Variants in FARS2 observed in about 807,000 individuals in gnomAD.
The protein encoded by FARS2 is phenylalanine--tRNA ligase, mitochondrial.
In FARS2, 40 loss-of-function variants were observed where a neutral mutation model predicts 46.4. The ratio of observed to expected loss-of-function variants is 0.86; its 90% CI spans 0.67 to 1.12. The LOEUF is 1.12. FARS2 is among the 50% of genes most tolerant of loss of function. FARS2 has a pLI of 0.00. For synonymous variants in FARS2, 234 were observed against 214.9 expected, an observed-to-expected ratio of 1.09 and a Z score of -0.78; for missense variants, 513 against 567.9, an observed-to-expected ratio of 0.90 and a Z score of 0.98.
intron 4 of FARS2, among the ~76,000 whole-genome samples, chr6:5,513,811 A>G (rs920025451): frequency 6.6e-6 from 1 of 152,204 alleles, no homozygotes; most frequent in African/African-American, 2.4e-5. Context: ...GTGGGCACGT[A>G]GGCCCTAGTC....
intron 1 of FARS2, among the ~76,000 whole-genome samples, chr6:5,362,904 C>T (rs1758397222): frequency 6.7e-6 from 1 of 149,862 alleles, no homozygotes; most frequent in African/African-American, 2.4e-5. Flanking sequence ...TTATTCAGAT[C>T]CTTTGCCCAT....
At chr6:5,660,912 G>A (rs1777824464) in intron 6 of FARS2, among the ~76,000 whole-genome samples, 1 of 152,208 alleles carries the variant, frequency 6.6e-6, no homozygotes, top group Non-Finnish European at 1.5e-5. Context: ...TTTACCAAGA[G>A]CAATAGAAGC....
At chr6:5,517,035 T>A (rs1768842886) in intron 4 of FARS2, among the ~76,000 whole-genome samples, 1 of 152,134 alleles carries the variant, frequency 6.6e-6, no homozygotes, top group East Asian at 1.9e-4. Context: ...CATTGTGCCC[T>A]GGGAGGTACT....
At chr6:5,421,593 C>T (rs1181015105) in intron 3 of FARS2, among the ~76,000 whole-genome samples, 1 of 152,202 alleles carries the variant, frequency 6.6e-6, no homozygotes, top group Non-Finnish European at 1.5e-5. Context: ...GCACCCAAGT[C>T]ACCTCTTGAA....
chr6:5,303,662 CTTTG>C (rs1414324937), intron 1 of FARS2, among the ~76,000 whole-genome samples: 2 of 151,978 alleles, frequency 1.3e-5, no homozygotes, highest in African/African-American at 4.8e-5. Flanking sequence ...CTTCCTCCAT[CTTTG>C]TGATTATTGC....
intron 6 of FARS2, among the ~76,000 whole-genome samples, chr6:5,739,294 A>G (rs1237424507): frequency 6.6e-6 from 1 of 151,414 alleles, no homozygotes; most frequent in Non-Finnish European, 1.5e-5. Context: ...TCAGGAGTTC[A>G]AGACTAGCTT....
At chr6:5,605,635 C>T (rs1774790068) in intron 5 of FARS2, among the ~76,000 whole-genome samples, 1 of 152,178 alleles carries the variant, frequency 6.6e-6, no homozygotes, top group Non-Finnish European at 1.5e-5. Context: ...CAAGCCTGCC[C>T]ACCCAAATTC....
chr6:5,539,460 C>T (rs1041292734), intron 4 of FARS2, among the ~76,000 whole-genome samples: 1 of 149,206 alleles, frequency 6.7e-6, no homozygotes, highest in Non-Finnish European at 1.5e-5. Context: ...TTTCAATCTC[C>T]TGACCTCGTG....
At chr6:5,443,686 G>A (rs1177016624) in intron 4 of FARS2, among the ~76,000 whole-genome samples, 1 of 152,194 alleles carries the variant, frequency 6.6e-6, no homozygotes, top group Non-Finnish European at 1.5e-5. Flanking sequence ...CCCCAGCCCC[G>A]CAGACAGGTG....
At chr6:5,338,843 G>A (rs1771353625) in intron 1 of FARS2, among the ~76,000 whole-genome samples, 1 of 152,150 alleles carries the variant, frequency 6.6e-6, no homozygotes, top group Non-Finnish European at 1.5e-5. Context: ...GGTGCTCAGT[G>A]CCTTGGAACA....
chr6:5,404,966 T>A (rs1450238506), intron 3 of FARS2, among the ~76,000 whole-genome samples: 4 of 151,846 alleles, frequency 2.6e-5, no homozygotes, highest in Admixed American at 2.6e-4. Context: ...ACTTGGCTAA[T>A]TTTTATATTT....
upstream of FARS2, chr6:5,260,631 G>A: frequency 2.6e-6 from 2 of 778,892 alleles, no homozygotes; most frequent in Non-Finnish European, 3.7e-6. Context: ...CCCGGCCCCC[G>A]GTGCCCGCTG....
chr6:5,496,510 A>T (rs1767474510), intron 4 of FARS2, among the ~76,000 whole-genome samples: 1 of 152,188 alleles, frequency 6.6e-6, no homozygotes, highest in Non-Finnish European at 1.5e-5. Context: ...GGAGTGTTTA[A>T]GTGGCAGAAA....
chr6:5,481,379 G>C (rs1250274160), intron 4 of FARS2, among the ~76,000 whole-genome samples: 2 of 152,148 alleles, frequency 1.3e-5, no homozygotes, highest in Non-Finnish European at 2.9e-5. Flanking sequence ...GTGTTGTGAA[G>C]GGAGAGTGAA....
intron 4 of FARS2, among the ~76,000 whole-genome samples, chr6:5,444,988 A>C (rs1764100706): frequency 6.6e-6 from 1 of 152,206 alleles, no homozygotes; most frequent in Non-Finnish European, 1.5e-5. Context: ...CATCTGTAAG[A>C]TGAGGGGCCT....
intron 1 of FARS2, among the ~76,000 whole-genome samples, chr6:5,315,941 C>T (rs951874623): frequency 3.3e-5 from 5 of 152,184 alleles, no homozygotes; most frequent in African/African-American, 7.2e-5. Flanking sequence ...ATGAGTTGTG[C>T]GTGAGGAAGG....
intron 4 of FARS2, among the ~76,000 whole-genome samples, chr6:5,502,397 A>T (rs1767856820): frequency 6.6e-6 from 1 of 152,164 alleles, no homozygotes; most frequent in Non-Finnish European, 1.5e-5. Context: ...CTTTTTGGTA[A>T]TTTTTAAAAT....
At chr6:5,520,211 A>T (rs1187767541) in intron 4 of FARS2, among the ~76,000 whole-genome samples, 4 of 152,122 alleles carry the variant, frequency 2.6e-5, no homozygotes, top group South Asian at 2.1e-4. Flanking sequence ...TGATTTTTTT[A>T]AATTTAATAA....
At chr6:5,748,616 C>T (rs1355690040) in intron 6 of FARS2, among the ~76,000 whole-genome samples, 1 of 152,206 alleles carries the variant, frequency 6.6e-6, no homozygotes, top group Non-Finnish European at 1.5e-5. Flanking sequence ...ATTATTTTGT[C>T]CTAATGGCAT....
Sources: gnomAD v4.1 joint callset for allele counts (sites outside exome capture counted in the v4.1 genomes callset) on GRCh38, gnomAD v4.1.1 for gene constraint, MANE v1.5 for transcripts, NCBI Gene and HGNC (gene_info 2026-07-23, HGNC 2026-07-21) for gene names.